STEAP3: variants seen among roughly 807,000 people sequenced by gnomAD.
STEAP3 encodes the protein STEAP3 metalloreductase.
Under a neutral mutation model 34.9 loss-of-function variants are expected in STEAP3, and 35 were observed. The observed-to-expected ratio is 1.00, with a 90% CI of 0.76 to 1.33. The LOEUF (loss-of-function observed/expected upper bound fraction) is 1.33, where lower values mean the gene tolerates loss of function less well. Ranked by LOEUF, STEAP3 falls within the 40% of genes most tolerant of loss-of-function variation. The pLI is 0.00. For missense variants in STEAP3, 652 were observed against 667.6 expected, an observed-to-expected ratio of 0.98 and a Z score of 0.26; for synonymous variants, 281 against 301.6, an observed-to-expected ratio of 0.93 and a Z score of 0.71.
At chr2:119,226,791 C>T (rs1022270452) in intron 1 of STEAP3, among the ~76,000 whole-genome samples, 2 of 152,136 alleles carry the variant, frequency 1.3e-5, no homozygotes, top group East Asian at 3.8e-4. Flanking sequence ...TGACATTCAG[C>T]CTCCCATGTG....
At chr2:119,255,746 T>TAAAA (rs56050427) in intron 5 of STEAP3, among the ~76,000 whole-genome samples, 6 of 147,776 alleles carry the variant, frequency 4.1e-5, no homozygotes, top group African/African-American at 1.5e-4. Flanking sequence ...CCTTGCCTCT[T>TAAAA]AAAAAAAAAA....
At chr2:119,257,014 T>C (rs1677792776) in intron 5 of STEAP3, among the ~76,000 whole-genome samples, 1 of 152,188 alleles carries the variant, frequency 6.6e-6, no homozygotes, top group Non-Finnish European at 1.5e-5. Context: ...ATTTCTGAGT[T>C]CAGTAGGAGA....
At chr2:119,228,364 G>A (rs2104786978) in intron 1 of STEAP3, among the ~76,000 whole-genome samples, 1 of 152,318 alleles carries the variant, frequency 6.6e-6, no homozygotes, top group South Asian at 2.1e-4. Flanking sequence ...ATCCAGGGGG[G>A]CTTTCTGGGT....
At position 119,248,273 on chromosome 2, in the gene STEAP3, C is replaced by CG. The variant is rs1238794770; in HGVS notation, c.1050+67_1050+68insG. On this transcript the variant is annotated intron_variant, in intron 4 of 5. Coordinates refer to ENST00000393110, the MANE Select transcript of STEAP3 (RefSeq NM_182915.3). ...ATGCTTGTCCAGCACCTCCCCCCCC[C>CG]ACCAACCAGGTGCAGCCGATACCCA... 3 of 1,406,224 alleles carry CG rather than the reference C, an allele frequency of 2.1e-6. No individual in the cohort carries two copies. In the African/African-American group the frequency reaches 4.2e-5, roughly 20 times the overall value. The allele number at this position is 1,406,224 out of a possible 1,614,324, so 87.1% of individuals were successfully genotyped here. A position where few individuals can be genotyped will look rare whatever the true frequency, so the allele number is the denominator to read the frequency against.
In STEAP3 at chr2:119,263,416, G is replaced by A; in HGVS notation, c.*78G>A. The A allele has an allele frequency of 6.5e-7, 1 of 1,543,174 alleles. No homozygotes were observed. ...CCCGTTAGGTTTTCTTTTCTTGGTGGTGCAAAGTGGTATAACTGTGTGCAA... is the reference window on the plus strand; with the variant it reads ...CCCGTTAGGTTTTCTTTTCTTGGTGATGCAAAGTGGTATAACTGTGTGCAA... On this transcript the variant is annotated 3_prime_UTR_variant, in exon 6 of 6. Coordinates refer to ENST00000393110, the MANE Select transcript of STEAP3 (RefSeq NM_182915.3).
chr2:119,256,237 C>T (rs1026462383), intron 5 of STEAP3, among the ~76,000 whole-genome samples: 7 of 152,172 alleles, frequency 4.6e-5, no homozygotes, highest in South Asian at 2.1e-4. Flanking sequence ...GAGTTGTAGC[C>T]GTGTGTTTTT....
intron 2 of STEAP3, among the ~76,000 whole-genome samples, chr2:119,233,406 G>A (rs1156341324): frequency 6.6e-6 from 1 of 152,122 alleles, no homozygotes; most frequent in Non-Finnish European, 1.5e-5. Flanking sequence ...GAAATGCTTG[G>A]CCAGGTCTAA....
At chr2:119,249,229 G>A (rs1336188272) in intron 4 of STEAP3, among the ~76,000 whole-genome samples, 1 of 152,000 alleles carries the variant, frequency 6.6e-6, no homozygotes, top group Non-Finnish European at 1.5e-5. Flanking sequence ...GGGCTTGGTT[G>A]CCAGCAGGGT....
intron 4 of STEAP3, 97 bp from the exon 5 acceptor site, chr2:119,254,587 C>T (rs980833123): frequency 3.8e-5 from 54 of 1,411,664 alleles, no homozygotes; most frequent in Admixed American, 6.9e-5. Context: ...GCAGTGTGAG[C>T]GCCCGCCGTC....
intron 5 of STEAP3, chr2:119,257,768 T>C (rs1558758135): frequency 1.5e-6 from 2 of 1,324,386 alleles, no homozygotes; most frequent in Non-Finnish European, 9.6e-7. Context: ...CCTACACACA[T>C]GTCCACAGCA....
At chr2:119,238,213 A>G (rs1209555723) in intron 2 of STEAP3, among the ~76,000 whole-genome samples, 2 of 152,242 alleles carry the variant, frequency 1.3e-5, no homozygotes, top group Non-Finnish European at 2.9e-5. Context: ...TAACGTTTTG[A>G]AGAATTCCCA....
chr2:119,246,071 T>A, intron 3 of STEAP3, 83 bp downstream of exon 3: 1 of 1,498,986 alleles, frequency 6.7e-7, no homozygotes, highest in East Asian at 2.3e-5. Context: ...ATGCTCTTTT[T>A]GATATGTTAT....
chr2:119,259,408 A>G (rs1301389978), intron 5 of STEAP3, among the ~76,000 whole-genome samples: 6 of 152,248 alleles, frequency 3.9e-5, no homozygotes, highest in African/African-American at 1.4e-4. Flanking sequence ...CCCTGGAATC[A>G]TGCAGGCTTC....
intron 2 of STEAP3, among the ~76,000 whole-genome samples, chr2:119,235,388 G>A (rs1470455217): frequency 6.6e-6 from 1 of 152,178 alleles, no homozygotes; most frequent in African/African-American, 2.4e-5. Context: ...AAGTGGGCTG[G>A]GAGCTGGGCC....
intron 5 of STEAP3, 33 bp downstream of exon 5, chr2:119,254,881 A>G: frequency 6.2e-7 from 1 of 1,606,028 alleles, no homozygotes. Flanking sequence ...AGCCAGCTTC[A>G]GCGTGGCCCT....
intron 2 of STEAP3, among the ~76,000 whole-genome samples, chr2:119,240,640 G>A (rs1163863249): frequency 6.6e-6 from 1 of 152,230 alleles, no homozygotes; most frequent in Non-Finnish European, 1.5e-5. Context: ...TAGCCCTGCC[G>A]GGAAGAAGGA....
intron 5 of STEAP3, 120 bp downstream of exon 5, chr2:119,254,968 G>C: frequency 3.1e-6 from 4 of 1,280,396 alleles, no homozygotes; most frequent in Middle Eastern, 2.3e-4. Context: ...AGGACCACTC[G>C]GTGAGATGCC....
chr2:119,225,942 C>T (rs1029356454), intron 1 of STEAP3, among the ~76,000 whole-genome samples: 1 of 152,266 alleles, frequency 6.6e-6, no homozygotes, highest in Non-Finnish European at 1.5e-5. Flanking sequence ...CGGATCCCTC[C>T]TTCTTCACCT....
intron 5 of STEAP3, among the ~76,000 whole-genome samples, chr2:119,257,929 T>C (rs1004067481): frequency 5.3e-5 from 8 of 152,146 alleles, no homozygotes; most frequent in Non-Finnish European, 8.8e-5. Context: ...GACCTGTCCA[T>C]AGAGTAAAGT....
Sources: allele counts gnomAD v4.1 joint callset (sites outside exome capture counted in the v4.1 genomes callset), GRCh38; gene constraint gnomAD v4.1.1; transcripts MANE v1.5; gene names NCBI Gene and HGNC (gene_info 2026-07-23, HGNC 2026-07-21).